PARD3B: variants seen among roughly 807,000 people sequenced by gnomAD.
PARD3B encodes par-3 family cell polarity regulator beta, also known as partitioning defective 3 homolog B.
In PARD3B, 103 loss-of-function variants were observed where a neutral mutation model predicts 130.2. That is an observed-to-expected ratio of 0.79 (90% CI 0.67 to 0.93). The LOEUF is 0.93. PARD3B is among the 40% of genes least tolerant of loss of function. The pLI, the probability that PARD3B is intolerant of heterozygous loss-of-function variation, is 0.00. For missense variants in PARD3B, 1,609 were observed against 1,499.2 expected (o/e 1.07, Z -1.21); for synonymous variants, 583 against 553.2 (o/e 1.05, Z -0.76).
At chr2:205,494,956 T>C (rs1468016443) in intron 20 of PARD3B, among the ~76,000 whole-genome samples, 1 of 152,180 alleles carries the variant, frequency 6.6e-6, no homozygotes, top group Non-Finnish European at 1.5e-5. Flanking sequence ...CTTTAGGACA[T>C]CATAGGAGCT....
chr2:205,474,835 T>C (rs1411943328), intron 20 of PARD3B, among the ~76,000 whole-genome samples: 1 of 152,180 alleles, frequency 6.6e-6, no homozygotes, highest in Non-Finnish European at 1.5e-5. Flanking sequence ...CTTTACTAAT[T>C]TGATTCATGA....
intron 21 of PARD3B, among the ~76,000 whole-genome samples, chr2:205,517,809 CT>C (rs2050856364): frequency 6.6e-6 from 1 of 152,112 alleles, no homozygotes; most frequent in Admixed American, 6.6e-5. Context: ...TTTTAAAGAA[CT>C]TTTTGATTTC....
chr2:204,562,732 A>AG (rs2031398136), intron 1 of PARD3B, among the ~76,000 whole-genome samples: 1 of 152,108 alleles, frequency 6.6e-6, no homozygotes. Flanking sequence ...ACATTTATAG[A>AG]GATTCAGTGG....
chr2:204,793,966 C>G (rs560189655), intron 2 of PARD3B, among the ~76,000 whole-genome samples: 95 of 152,188 alleles, frequency 6.2e-4, no homozygotes, highest in African/African-American at 2.2e-3. Flanking sequence ...TTTTCTGGCA[C>G]TTTATTATAG....
At chr2:204,709,404 T>G (rs2038330876) in intron 2 of PARD3B, among the ~76,000 whole-genome samples, 1 of 152,248 alleles carries the variant, frequency 6.6e-6, no homozygotes, top group South Asian at 2.1e-4. Flanking sequence ...TCAATGTATG[T>G]GGTTCCAGAA....
At chr2:205,506,684 G>A (rs1421962575) in intron 21 of PARD3B, among the ~76,000 whole-genome samples, 1 of 152,166 alleles carries the variant, frequency 6.6e-6, no homozygotes, top group Non-Finnish European at 1.5e-5. Flanking sequence ...GGAGAAAAGA[G>A]GACAAGTGCC....
At chr2:204,598,326 A>G (rs1336807567) in intron 1 of PARD3B, among the ~76,000 whole-genome samples, 2 of 152,148 alleles carry the variant, frequency 1.3e-5, no homozygotes, top group Non-Finnish European at 2.9e-5. Context: ...GTATAATTCT[A>G]CTCATAATCC....
intron 11 of PARD3B, 114 bp from the exon 12 acceptor site, chr2:205,172,097 T>A: frequency 9.8e-7 from 1 of 1,022,442 alleles, no homozygotes. Flanking sequence ...TTCTAACAGC[T>A]AGGTTTTCTT....
At chr2:204,774,854 C>T (rs2041548747) in intron 2 of PARD3B, among the ~76,000 whole-genome samples, 1 of 152,124 alleles carries the variant, frequency 6.6e-6, no homozygotes, top group Non-Finnish European at 1.5e-5. Context: ...TTCAGTTATT[C>T]ACACTTGGGA....
At chr2:205,084,275 AG>A (rs1701611828) in intron 4 of PARD3B, among the ~76,000 whole-genome samples, 1 of 152,152 alleles carries the variant, frequency 6.6e-6, no homozygotes, top group South Asian at 2.1e-4. Context: ...TCCTGGAATT[AG>A]CAGATTGCTG....
At chr2:205,416,724 T>C (rs183887613) in intron 19 of PARD3B, among the ~76,000 whole-genome samples, 467 of 152,138 alleles carry the variant, frequency 3.1e-3, no homozygotes, top group African/African-American at 5.0e-3. Flanking sequence ...AAAAAAATCA[T>C]GTAAGTATCC....
chr2:205,156,338 A>T (rs1034848530), intron 10 of PARD3B, among the ~76,000 whole-genome samples: 12 of 151,650 alleles, frequency 7.9e-5, no homozygotes, highest in East Asian at 3.9e-4. Context: ...GGTGCAGCAC[A>T]CCAGCATGGC....
intron 4 of PARD3B, among the ~76,000 whole-genome samples, chr2:205,103,484 A>C (rs1279864681): frequency 6.6e-6 from 1 of 152,048 alleles, no homozygotes; most frequent in Non-Finnish European, 1.5e-5. Context: ...CCAGCCTCTT[A>C]AGCTCGTATG....
rs948900969 is a variant in PARD3B at position 205,300,518 on chromosome 2, T to G, written c.2186-12T>G. On this transcript the variant is annotated splice_polypyrimidine_tract_variant and intron_variant, in intron 16 of 22. Coordinates refer to ENST00000406610, the MANE Select transcript of PARD3B (RefSeq NM_001302769.2). This position sits in a 1 kb window ranked among gnomAD's most constrained non-coding sequence, Gnocchi z 4.1. ...TTAGAAGAGGGGTGACCTTTTGCCC[T>G]TTCTTTTCCAGAATCTCCAAGCAAA... 2.5e-6 allele frequency: 4 copies of G among 1,609,326 alleles called. No homozygotes were observed. Among genetic ancestry groups the G allele is most frequent in the Non-Finnish European group, 3.4e-6 (4 of 1,176,548 alleles).
intron 2 of PARD3B, among the ~76,000 whole-genome samples, chr2:204,915,253 T>G (rs983517545): frequency 6.6e-6 from 1 of 152,224 alleles, no homozygotes; most frequent in African/African-American, 2.4e-5. Flanking sequence ...TAGCACTTTC[T>G]TCTTGTCAAA....
At chr2:204,738,109 A>C (rs1444085692) in intron 2 of PARD3B, among the ~76,000 whole-genome samples, 5 of 152,136 alleles carry the variant, frequency 3.3e-5, no homozygotes, top group Non-Finnish European at 7.4e-5. Context: ...ATTCTGTGAA[A>C]AATGATGTTG....
chr2:204,938,720 A>G (rs1688659864), intron 2 of PARD3B, among the ~76,000 whole-genome samples: 1 of 152,220 alleles, frequency 6.6e-6, no homozygotes, highest in Non-Finnish European at 1.5e-5. Context: ...GAGCCTCATC[A>G]TCAGTGTTTT....
At chr2:204,925,160 A>G (rs1474445199) in intron 2 of PARD3B, among the ~76,000 whole-genome samples, 2 of 152,222 alleles carry the variant, frequency 1.3e-5, no homozygotes, top group East Asian at 3.9e-4. Context: ...AGGGTAATCA[A>G]TTATCTCTGA....
At chr2:204,937,742 T>C (rs1390723307) in intron 2 of PARD3B, among the ~76,000 whole-genome samples, 2 of 152,200 alleles carry the variant, frequency 1.3e-5, no homozygotes, top group African/African-American at 4.8e-5. Context: ...GCTGTAACAG[T>C]GTATGCCCTT....
Sources: allele counts gnomAD v4.1 joint callset (sites outside exome capture counted in the v4.1 genomes callset), GRCh38; gene constraint gnomAD v4.1.1; non-coding constraint Gnocchi (gnomAD v3.1); transcripts MANE v1.5; gene names NCBI Gene and HGNC (gene_info 2026-07-23, HGNC 2026-07-21).